FGD4: variants seen among roughly 807,000 people sequenced by gnomAD.
The protein encoded by FGD4 is FYVE, RhoGEF and PH domain-containing protein 4.
In FGD4, 42 loss-of-function variants were observed where a neutral mutation model predicts 102.0. The ratio of observed to expected loss-of-function variants is 0.41; its 90% confidence interval spans 0.32 to 0.53. The LOEUF is 0.53. Ranked by LOEUF, FGD4 falls within the 20% of genes least tolerant of loss-of-function variation. The pLI, the probability that FGD4 is intolerant of heterozygous loss-of-function variation, is 0.21. For missense variants in FGD4, 902 were observed against 1,078.2 expected (o/e 0.84, Z 2.29); for synonymous variants, 380 against 375.7 (o/e 1.01, Z -0.13).
At chr12:32,459,300 TC>T (rs1441785262) in intron 1 of FGD4, among the ~76,000 whole-genome samples, 1 of 151,638 alleles carries the variant, frequency 6.6e-6, no homozygotes, top group Non-Finnish European at 1.5e-5. Flanking sequence ...TTCAAGCGAT[TC>T]TCATGCCTCA....
chr12:32,577,332 T>C (rs1946209409), intron 3 of FGD4, among the ~76,000 whole-genome samples: 1 of 152,202 alleles, frequency 6.6e-6, no homozygotes, highest in African/African-American at 2.4e-5. Flanking sequence ...AAACCAAATA[T>C]TTTCATTCAT....
intron 2 of FGD4, among the ~76,000 whole-genome samples, chr12:32,573,685 T>C (rs576843838): frequency 6.6e-6 from 1 of 152,362 alleles, no homozygotes; most frequent in Non-Finnish European, 1.5e-5. Flanking sequence ...ATTTAAAATG[T>C]GTATATTTAC....
At chr12:32,403,838 G>A (rs1038559960) in intron 1 of FGD4, among the ~76,000 whole-genome samples, 5 of 151,816 alleles carry the variant, frequency 3.3e-5, no homozygotes, top group Admixed American at 6.6e-5. Flanking sequence ...CTCGTGATCC[G>A]CCCGCCTCGG....
chr12:32,431,969 G>A lies in FGD4; in HGVS notation c.166+32010G>A, dbSNP rs1046460378. 2.8e-4 allele frequency among the ~76,000 whole-genome samples: 43 copies of A among 151,486 alleles called. 1 individual carries two copies. The highest frequency in any genetic ancestry group is 1.6e-3 in the Admixed American group (25 of 15,216). On this transcript the variant is annotated intron_variant, in intron 1 of 16. Coordinates refer to ENST00000534526, the MANE Select transcript of FGD4 (RefSeq NM_001370298.3). ...ATCTCCTTTGAGCCTTTACTTAAAC[G>A]GATCTTCTGGCCGTCTCTGGGCACC...
chr12:32,537,585 C>T (rs1292661609), intron 1 of FGD4, among the ~76,000 whole-genome samples: 1 of 152,218 alleles, frequency 6.6e-6, no homozygotes, highest in Non-Finnish European at 1.5e-5. Flanking sequence ...GCCCCTATCC[C>T]TATCCCTACC....
At chr12:32,596,105 T>G (rs1947870454) in intron 4 of FGD4, among the ~76,000 whole-genome samples, 1 of 151,888 alleles carries the variant, frequency 6.6e-6, no homozygotes, top group African/African-American at 2.4e-5. Context: ...TTTAGAGTTT[T>G]GCCTATACTT....
At chr12:32,516,181 A>G (rs1378032282) in intron 1 of FGD4, among the ~76,000 whole-genome samples, 1 of 152,222 alleles carries the variant, frequency 6.6e-6, no homozygotes, top group East Asian at 1.9e-4. Flanking sequence ...CTTTTTAGAC[A>G]GGATCTCACT....
intron 1 of FGD4, among the ~76,000 whole-genome samples, chr12:32,449,889 C>T (rs1220073094): frequency 6.6e-6 from 1 of 151,826 alleles, no homozygotes; most frequent in Non-Finnish European, 1.5e-5. Context: ...CAGGCATGTA[C>T]CACTATGCCC....
chr12:32,630,771 G>A (rs558649833), intron 14 of FGD4, among the ~76,000 whole-genome samples: 21 of 150,200 alleles, frequency 1.4e-4, no homozygotes, highest in South Asian at 4.2e-4. Flanking sequence ...AGCCGAGATC[G>A]CGCCACTGCA....
chr12:32,619,612 A>G, intron 10 of FGD4, 86 bp from the exon 11 acceptor site: 4 of 1,467,594 alleles, frequency 2.7e-6, no homozygotes, highest in Non-Finnish European at 3.8e-6. Context: ...AGCCTGGGCA[A>G]CAGAGTGAGA....
At chr12:32,509,035 CTA>C (rs1442742527) in intron 1 of FGD4, among the ~76,000 whole-genome samples, 6 of 152,170 alleles carry the variant, frequency 3.9e-5, no homozygotes, top group African/African-American at 1.4e-4. Context: ...TTGGTGTTTT[CTA>C]TATGTCAGAG....
At chr12:32,414,271 CTACT>C (rs889314511) in intron 1 of FGD4, among the ~76,000 whole-genome samples, 12 of 151,982 alleles carry the variant, frequency 7.9e-5, no homozygotes, top group African/African-American at 2.7e-4. Flanking sequence ...CGCACCCAGC[CTACT>C]TCTTTTTTTT....
intron 1 of FGD4, among the ~76,000 whole-genome samples, chr12:32,464,597 T>C (rs1204524264): frequency 6.6e-6 from 1 of 152,226 alleles, no homozygotes; most frequent in Non-Finnish European, 1.5e-5. Flanking sequence ...AGAATAAGAA[T>C]GGATAAAATT....
intron 4 of FGD4, among the ~76,000 whole-genome samples, chr12:32,588,891 T>C (rs1344051616): frequency 6.6e-6 from 1 of 152,016 alleles, no homozygotes; most frequent in Non-Finnish European, 1.5e-5. Context: ...GTGAGAGAAA[T>C]GGAAAGCTAA....
chr12:32,549,526 C>A (rs1282426784), intron 1 of FGD4, among the ~76,000 whole-genome samples: 1 of 152,110 alleles, frequency 6.6e-6, no homozygotes, highest in Non-Finnish European at 1.5e-5. Context: ...ACAAGTGAGA[C>A]CACAAACAAC....
intron 1 of FGD4, among the ~76,000 whole-genome samples, chr12:32,542,832 T>A (rs969881839): frequency 8.5e-5 from 13 of 152,236 alleles, no homozygotes; most frequent in African/African-American, 2.2e-4. Context: ...TTCTCAAGGC[T>A]CCTAACTGGT....
Position 32,407,577 on chromosome 12 carries a change from T to C in FGD4, c.166+7618T>C, listed in dbSNP as rs1207954584. Among the ~76,000 whole-genome samples the C allele has an allele frequency of 2.0e-5, 3 of 152,220 alleles. No individual in the cohort carries two copies. The East Asian group carries it at 5.8e-4, about 29-fold the overall frequency. The stretch of plus-strand genomic sequence containing the variant: ...GGAATAAGACAAGGAATGCTATAGA[T>C]TGTCCCTCAATACATAATCTGGGCC... On this transcript the variant is annotated intron_variant, in intron 1 of 16. Coordinates refer to ENST00000534526, the MANE Select transcript of FGD4 (RefSeq NM_001370298.3).
chr12:32,475,316 G>A (rs1490916277), intron 1 of FGD4, among the ~76,000 whole-genome samples: 1 of 152,064 alleles, frequency 6.6e-6, no homozygotes, highest in Non-Finnish European at 1.5e-5. Context: ...ATGCCTTTTG[G>A]GTTTTACCAT....
At chr12:32,557,216 A>T (rs1452399111) in intron 1 of FGD4, among the ~76,000 whole-genome samples, 1 of 152,224 alleles carries the variant, frequency 6.6e-6, no homozygotes, top group Non-Finnish European at 1.5e-5. Context: ...GATTTTTAAA[A>T]ATATAAGTGA....
Sources: allele counts gnomAD v4.1 joint callset (sites outside exome capture counted in the v4.1 genomes callset), GRCh38; gene constraint gnomAD v4.1.1; transcripts MANE v1.5; gene names NCBI Gene and HGNC (gene_info 2026-07-23, HGNC 2026-07-21).